The following PLXNC1 variants were observed in gnomAD, a reference collection of about 807,000 sequenced individuals.
PLXNC1 encodes the protein plexin C1.
Under a neutral mutation model 178.2 loss-of-function variants are expected in PLXNC1, and 75 were observed. The observed-to-expected ratio is 0.42, with a 90% CI of 0.35 to 0.51. The LOEUF (loss-of-function observed/expected upper bound fraction) is 0.51. Ranked by LOEUF, PLXNC1 falls within the 20% of genes least tolerant of loss-of-function variation. The pLI is 0.02. For missense variants in PLXNC1, 1,503 were observed against 1,984.4 expected (o/e 0.76, Z 4.61); for synonymous variants, 790 against 779.9 (o/e 1.01, Z -0.22).
intron 8 of PLXNC1, among the ~76,000 whole-genome samples, chr12:94,226,918 G>T (rs1047137834): frequency 6.6e-6 from 1 of 152,164 alleles, no homozygotes; most frequent in Non-Finnish European, 1.5e-5. Flanking sequence ...AGCTACTCGG[G>T]AGGCTGAGGC....
intron 23 of PLXNC1, among the ~76,000 whole-genome samples, chr12:94,288,337 C>T (rs946016968): frequency 2.0e-5 from 3 of 152,178 alleles, no homozygotes; most frequent in Non-Finnish European, 4.4e-5. Context: ...TGGGCTCTGA[C>T]AACTCCAACC....
At chr12:94,248,560 A>G (rs1324736121) in intron 14 of PLXNC1, 148 bp downstream of exon 14, 2 of 664,164 alleles carry the variant, frequency 3.0e-6, no homozygotes, top group Non-Finnish European at 2.5e-6. Context: ...TGCGAGCCCA[A>G]GCAAAATAGC....
intron 4 of PLXNC1, among the ~76,000 whole-genome samples, chr12:94,202,356 T>G (rs1267237174): frequency 1.3e-5 from 2 of 152,194 alleles, no homozygotes; most frequent in Admixed American, 1.3e-4. Context: ...CAGTTAATAT[T>G]TGTAGAATGA....
chr12:94,237,770 T>A lies in PLXNC1; in HGVS notation c.2087T>A (p.Ile696Asn). The A allele has an allele frequency of 6.2e-7, 1 of 1,613,968 alleles. No homozygotes were observed. The highest frequency in any genetic ancestry group is 2.2e-5 in the East Asian group (1 of 44,874). Reference protein sequence around the residue: ...NFTRASNITMILKGTSTCDKD... With the variant: ...NFTRASNITMNLKGTSTCDKD... ...ACCCGGGCATCGAACATCACAATGATCCTGAAAGGAACCAGTACCTGTGAT... is the reference window on the plus strand; with the variant it reads ...ACCCGGGCATCGAACATCACAATGAACCTGAAAGGAACCAGTACCTGTGAT... Residue 696 changes from isoleucine to asparagine, a missense_variant, in exon 10 of 31, where the codon ATC (isoleucine) becomes AAC (asparagine). Around this residue, in one of 4 missense-constraint regions of PLXNC1, gnomAD observed 615 missense variants for 698.6 expected, o/e 0.88. Transcript: ENST00000258526.
chr12:94,303,737 T>G lies in PLXNC1; in HGVS notation c.4387-19T>G. ...TACTCTTTTGGTGATGGTTGCTTTT[T>G]TTTTTTTTTTTTCCCCAGGAAGCAC... On this transcript the variant is annotated intron_variant, in intron 28 of 30. Transcript: ENST00000258526. 3.0e-6 allele frequency: 4 copies of G among 1,348,420 alleles called. No homozygotes were observed. Among genetic ancestry groups the G allele is most frequent in the Non-Finnish European group, 3.9e-6 (4 of 1,033,874 alleles). 83.5% of individuals were successfully genotyped at this position (1,348,420 alleles called of 1,614,324 possible).
chr12:94,193,060 A>T (rs1403628969), intron 4 of PLXNC1, among the ~76,000 whole-genome samples: 3 of 152,108 alleles, frequency 2.0e-5, no homozygotes, highest in African/African-American at 7.2e-5. Context: ...GGGTAGGGGG[A>T]TATCAGCTAG....
At chr12:94,304,546 C>G (rs1325758448) in intron 30 of PLXNC1, among the ~76,000 whole-genome samples, 1 of 152,144 alleles carries the variant, frequency 6.6e-6, no homozygotes. Context: ...CAGACACATT[C>G]ATCAGATGCT....
chr12:94,306,404 C>CATT lies in PLXNC1; in HGVS notation c.*1120_*1122dup, dbSNP rs1969023224. On this transcript the variant is annotated 3_prime_UTR_variant, in exon 31 of 31. Coordinates refer to ENST00000258526, the MANE Select transcript of PLXNC1 (RefSeq NM_005761.3). ...CGCAGGAGAAAGAATTTAAAATACCCATTTTATTCATGCCTTTCTTTTTAA... is the reference window on the plus strand; with the variant it reads ...CGCAGGAGAAAGAATTTAAAATACCCATTATTTTATTCATGCCTTTCTTTTTAA... 6.6e-6 allele frequency: 1 copy of CATT among 152,110 alleles called. No homozygotes were observed. Among genetic ancestry groups the CATT allele is most frequent in the Non-Finnish European group, 1.5e-5 (1 of 68,018 alleles). The allele number at this position is 152,110 out of a possible 1,614,324, so 9.4% of individuals were successfully genotyped here. A position where few individuals can be genotyped will look rare whatever the true frequency, so the allele number is the denominator to read the frequency against.
intron 23 of PLXNC1, among the ~76,000 whole-genome samples, chr12:94,292,499 GA>G (rs1332693689): frequency 2.0e-5 from 3 of 152,092 alleles, no homozygotes; most frequent in Non-Finnish European, 2.9e-5. Flanking sequence ...CAAATTTTGT[GA>G]TTTTACAAGC....
chr12:94,254,966 T>G, intron 16 of PLXNC1, 78 bp downstream of exon 16: 1 of 1,156,950 alleles, frequency 8.6e-7, no homozygotes, highest in Middle Eastern at 2.2e-4. Context: ...TACATAGAGA[T>G]GGCCACAGTA....
At chr12:94,253,787 C>A (rs1218002385) in intron 15 of PLXNC1, among the ~76,000 whole-genome samples, 3 of 152,082 alleles carry the variant, frequency 2.0e-5, no homozygotes, top group Non-Finnish European at 2.9e-5. Context: ...GGTCCTCCCA[C>A]CTCGGCCTCC....
chr12:94,236,308 C>T (rs950615658), intron 9 of PLXNC1, among the ~76,000 whole-genome samples: 3 of 152,296 alleles, frequency 2.0e-5, no homozygotes, highest in South Asian at 2.1e-4. Context: ...GTGATGGGGA[C>T]GACTGTGCCG....
At chr12:94,259,238 G>C in intron 17 of PLXNC1, 99 bp from the exon 18 acceptor site, 1 of 840,478 alleles carries the variant, frequency 1.2e-6, no homozygotes, top group South Asian at 1.5e-5. Flanking sequence ...AGCAAATAGT[G>C]TCTCTACTTT....
At chr12:94,209,438 C>G (rs1329073064) in intron 4 of PLXNC1, 152 bp from the exon 5 acceptor site, 33 of 603,974 alleles carry the variant, frequency 5.5e-5, no homozygotes, top group Non-Finnish European at 8.7e-5. Context: ...GCATCATGTT[C>G]CTATTCTCGC....
chr12:94,273,996 G>A (rs1354315686), intron 21 of PLXNC1, among the ~76,000 whole-genome samples: 7 of 151,650 alleles, frequency 4.6e-5, no homozygotes, highest in South Asian at 4.2e-4. Context: ...GGCTGCCACC[G>A]CTCCAAGCGC....
At chr12:94,193,161 C>G (rs1962785503) in intron 4 of PLXNC1, among the ~76,000 whole-genome samples, 1 of 152,102 alleles carries the variant, frequency 6.6e-6, no homozygotes, top group Non-Finnish European at 1.5e-5. Flanking sequence ...ACGAGCTTCA[C>G]ATTAAAGAAT....
intron 9 of PLXNC1, chr12:94,227,440 A>G: frequency 2.4e-6 from 1 of 421,956 alleles, no homozygotes; most frequent in Non-Finnish European, 4.3e-6. Context: ...ATAAATTAAA[A>G]CTCTGTAATT....
intron 21 of PLXNC1, among the ~76,000 whole-genome samples, chr12:94,267,715 T>C (rs1465949399): frequency 2.0e-5 from 3 of 152,188 alleles, no homozygotes; most frequent in Non-Finnish European, 2.9e-5. Context: ...CATGATCCGT[T>C]CTATGCTTGT....
At chr12:94,281,954 CCT>C in intron 22 of PLXNC1, 2 of 272,154 alleles carry the variant, frequency 7.3e-6, no homozygotes, top group South Asian at 7.4e-5. Flanking sequence ...TCATATCATG[CCT>C]CTCTTTGTGA....
Sources: allele counts gnomAD v4.1 joint callset (sites outside exome capture counted in the v4.1 genomes callset), GRCh38; gene constraint gnomAD v4.1.1; regional missense constraint gnomAD v4.1.1; transcripts MANE v1.5; gene names NCBI Gene and HGNC (gene_info 2026-07-23, HGNC 2026-07-21).